Variants in RGS7 observed in about 807,000 individuals in gnomAD.
The protein encoded by RGS7 is regulator of G protein signaling 7, also known as regulator of G-protein signaling 7.
RGS7 carries 27 observed loss-of-function variants against 81.1 expected under a neutral mutation model. The ratio of observed to expected loss-of-function variants is 0.33; its 90% CI spans 0.25 to 0.46. The LOEUF is 0.46. RGS7 is among the 20% of genes least tolerant of loss of function. The pLI, the probability that RGS7 is intolerant of heterozygous loss-of-function variation, is 1.00. For synonymous variants in RGS7, 208 were observed against 207.7 expected (o/e 1.00, Z -0.01); for missense variants, 396 against 607.4 (o/e 0.65, Z 3.66).
chr1:241,133,829 G>A (rs1350025270), intron 2 of RGS7, among the ~76,000 whole-genome samples: 1 of 152,168 alleles, frequency 6.6e-6, no homozygotes, highest in African/African-American at 2.4e-5. Context: ...GTGACAATTT[G>A]TTGTGCCAAA....
intron 2 of RGS7, among the ~76,000 whole-genome samples, chr1:241,327,259 C>T (rs1223009649): frequency 6.6e-6 from 1 of 151,786 alleles, no homozygotes; most frequent in Non-Finnish European, 1.5e-5. Context: ...AGAGGCAGGC[C>T]ATAGATATCA....
chr1:241,309,832 G>A (rs1200915266), intron 2 of RGS7, among the ~76,000 whole-genome samples: 2 of 152,214 alleles, frequency 1.3e-5, no homozygotes, highest in African/African-American at 2.4e-5. Context: ...TTACAGCATT[G>A]CACTTAACAC....
intron 6 of RGS7, among the ~76,000 whole-genome samples, chr1:240,892,865 C>T (rs1224112193): frequency 1.3e-5 from 2 of 152,094 alleles, no homozygotes; most frequent in Admixed American, 1.3e-4. Flanking sequence ...CTCAATTAAA[C>T]TCTGTTGAAC....
At chr1:241,180,791 C>T (rs1046358356) in intron 2 of RGS7, among the ~76,000 whole-genome samples, 3 of 152,176 alleles carry the variant, frequency 2.0e-5, no homozygotes, top group Non-Finnish European at 4.4e-5. Context: ...GACAGCAGCG[C>T]ACGGGAGTCA....
intron 6 of RGS7, among the ~76,000 whole-genome samples, chr1:240,888,187 A>G (rs1283436548): frequency 6.6e-6 from 1 of 152,158 alleles, no homozygotes; most frequent in Non-Finnish European, 1.5e-5. Flanking sequence ...CAGTTCCTGG[A>G]GCTGGGACCA....
intron 2 of RGS7, among the ~76,000 whole-genome samples, chr1:241,146,963 G>T (rs1425215051): frequency 6.6e-6 from 1 of 152,110 alleles, no homozygotes; most frequent in African/African-American, 2.4e-5. Flanking sequence ...TCGTATTGGG[G>T]GTGAGGATTT....
intron 11 of RGS7, among the ~76,000 whole-genome samples, chr1:240,815,164 C>T (rs534056019): frequency 7.3e-5 from 11 of 151,690 alleles, no homozygotes; most frequent in Middle Eastern, 3.4e-3. Flanking sequence ...ATAGTGAGAC[C>T]CTGTCTGTAA....
intron 11 of RGS7, among the ~76,000 whole-genome samples, chr1:240,815,073 C>T (rs1690565877): frequency 6.6e-6 from 1 of 152,136 alleles, no homozygotes; most frequent in African/African-American, 2.4e-5. Context: ...TGCAGTGGCT[C>T]ATGCCTGTAA....
chr1:241,115,647 G>C (rs1451826418), intron 2 of RGS7, among the ~76,000 whole-genome samples: 2 of 151,984 alleles, frequency 1.3e-5, no homozygotes, highest in African/African-American at 4.8e-5. Context: ...CCCTTGTTTT[G>C]GGATCCGTTT....
chr1:240,925,690 A>T (rs943195061), intron 6 of RGS7, among the ~76,000 whole-genome samples: 3 of 152,218 alleles, frequency 2.0e-5, no homozygotes, highest in Non-Finnish European at 2.9e-5. Context: ...TAGTTCTTTG[A>T]GAAATCTCCA....
chr1:241,013,492 C>A (rs563919933), intron 3 of RGS7, among the ~76,000 whole-genome samples: 3 of 152,232 alleles, frequency 2.0e-5, no homozygotes, highest in Non-Finnish European at 2.9e-5. Flanking sequence ...TAAGAACTTG[C>A]GAGGGTTAAG....
chr1:240,861,921 A>G (rs1662266407), intron 9 of RGS7, among the ~76,000 whole-genome samples: 2 of 152,130 alleles, frequency 1.3e-5, no homozygotes, highest in African/African-American at 4.8e-5. Flanking sequence ...AGATGTTAAA[A>G]TCCTGTTAAT....
At chr1:240,869,370 A>T (rs171881) in intron 7 of RGS7, among the ~76,000 whole-genome samples, 118,071 of 151,980 alleles carry the variant, frequency 0.78, 46,867 homozygotes, top group African/African-American at 0.95. Context: ...TATCTGCTGA[A>T]GATCACTGTC....
intron 3 of RGS7, among the ~76,000 whole-genome samples, chr1:241,062,964 A>G (rs1335780582): frequency 6.6e-6 from 1 of 152,222 alleles, no homozygotes; most frequent in African/African-American, 2.4e-5. Flanking sequence ...ACTCCATACA[A>G]AGGAGAGTTG....
chr1:241,070,295 G>A (rs1170438695), intron 3 of RGS7, among the ~76,000 whole-genome samples: 1 of 146,016 alleles, frequency 6.8e-6, no homozygotes, highest in Non-Finnish European at 1.5e-5. Context: ...CAAATAACTT[G>A]TGGAATTCTC....
intron 2 of RGS7, among the ~76,000 whole-genome samples, chr1:241,183,945 G>A (rs1443631368): frequency 2.0e-5 from 3 of 152,160 alleles, no homozygotes; most frequent in Non-Finnish European, 2.9e-5. Flanking sequence ...GCTAAAGGAA[G>A]TGACAGCAAC....
chr1:240,930,213 C>CT (rs1189828347), intron 6 of RGS7, among the ~76,000 whole-genome samples: 5 of 117,082 alleles, frequency 4.3e-5, no homozygotes, highest in Admixed American at 8.9e-5. Flanking sequence ...ATTGAATTTT[C>CT]TTTTTTAGCT....
intron 2 of RGS7, among the ~76,000 whole-genome samples, chr1:241,110,384 CT>C (rs2065431324): frequency 6.6e-6 from 1 of 152,050 alleles, no homozygotes; most frequent in Non-Finnish European, 1.5e-5. Context: ...TCTATTCTAG[CT>C]TCTGGAATCA....
At chr1:240,914,495 A>T (rs1672272608) in intron 6 of RGS7, among the ~76,000 whole-genome samples, 1 of 152,154 alleles carries the variant, frequency 6.6e-6, no homozygotes, top group Non-Finnish European at 1.5e-5. Context: ...TCCAAAGCTC[A>T]TTGGAAAGGG....
Sources: gnomAD v4.1 joint callset for allele counts (sites outside exome capture counted in the v4.1 genomes callset) on GRCh38, gnomAD v4.1.1 for gene constraint, MANE v1.5 for transcripts, NCBI Gene and HGNC (gene_info 2026-07-23, HGNC 2026-07-21) for gene names.